The following RBMS3 variants were observed in gnomAD, a reference collection of about 807,000 sequenced individuals.
RBMS3 encodes RNA-binding motif, single-stranded-interacting protein 3.
RBMS3 carries 27 observed loss-of-function variants against 66.8 expected under a neutral mutation model. The observed-to-expected ratio is 0.40, with a 90% CI of 0.30 to 0.56. RBMS3 has a LOEUF of 0.56. Ranked by LOEUF, RBMS3 falls within the 20% of genes least tolerant of loss-of-function variation. RBMS3 has a pLI of 0.40. For missense variants in RBMS3, 513 were observed against 549.5 expected, an observed-to-expected ratio of 0.93 and a Z score of 0.66; for synonymous variants, 188 against 183.0, an observed-to-expected ratio of 1.03 and a Z score of -0.22.
chr3:29,792,258 T>C (rs1234364338), intron 6 of RBMS3, among the ~76,000 whole-genome samples: 1 of 152,212 alleles, frequency 6.6e-6, no homozygotes, highest in East Asian at 1.9e-4. Flanking sequence ...CAGTCCATAA[T>C]TGTCATTCAT....
chr3:29,604,126 C>T (rs1418931812), intron 4 of RBMS3, among the ~76,000 whole-genome samples: 1 of 151,844 alleles, frequency 6.6e-6, no homozygotes, highest in Non-Finnish European at 1.5e-5. Context: ...TTGAGAAACG[C>T]TATTTTGGAA....
intron 6 of RBMS3, among the ~76,000 whole-genome samples, chr3:29,799,887 A>G (rs1042521854): frequency 5.9e-5 from 9 of 152,172 alleles, no homozygotes; most frequent in African/African-American, 2.2e-4. Context: ...AGCTTTAGTT[A>G]TATCAGCAAA....
At chr3:29,833,769 G>C (rs1399304166) in intron 6 of RBMS3, among the ~76,000 whole-genome samples, 1 of 152,044 alleles carries the variant, frequency 6.6e-6, no homozygotes, top group East Asian at 1.9e-4. Flanking sequence ...CTTATTTAAA[G>C]AAATAATGGC....
intron 2 of RBMS3, among the ~76,000 whole-genome samples, chr3:29,460,154 G>T (rs2042325725): frequency 6.6e-6 from 1 of 152,076 alleles, no homozygotes; most frequent in South Asian, 2.1e-4. Flanking sequence ...CTTTCTCCAG[G>T]CTAAATAAAA....
chr3:29,595,397 T>TAAAA (rs551487113), intron 4 of RBMS3, among the ~76,000 whole-genome samples: 6 of 99,908 alleles, frequency 6.0e-5, no homozygotes, highest in Admixed American at 4.4e-4. Flanking sequence ...AGAGTCAGTC[T>TAAAA]AAAAAAAAAA....
At chr3:29,637,359 G>A (rs550530554) in intron 4 of RBMS3, among the ~76,000 whole-genome samples, 1 of 151,832 alleles carries the variant, frequency 6.6e-6, no homozygotes, top group South Asian at 2.1e-4. Flanking sequence ...CACCACCTCC[G>A]AAAGATGCAG....
chr3:29,359,737 C>T (rs1169684111), intron 1 of RBMS3, among the ~76,000 whole-genome samples: 1 of 152,132 alleles, frequency 6.6e-6, no homozygotes, highest in Non-Finnish European at 1.5e-5. Flanking sequence ...TGTTATTGGT[C>T]TATTCAGAGA....
At chr3:29,802,727 C>T (rs148491371) in intron 6 of RBMS3, among the ~76,000 whole-genome samples, 88 of 152,082 alleles carry the variant, frequency 5.8e-4, no homozygotes, top group African/African-American at 1.9e-3. Flanking sequence ...AGTTTGGCTG[C>T]GGGTAAAATT....
At chr3:29,482,840 T>G (rs2125822320) in intron 2 of RBMS3, among the ~76,000 whole-genome samples, 1 of 150,294 alleles carries the variant, frequency 6.7e-6, no homozygotes. Flanking sequence ...CCTGAATAGC[T>G]GGGATTACAG....
At chr3:29,542,428 T>C (rs2045799726) in intron 3 of RBMS3, among the ~76,000 whole-genome samples, 1 of 152,106 alleles carries the variant, frequency 6.6e-6, no homozygotes, top group African/African-American at 2.4e-5. Context: ...TGGTGCAATC[T>C]CGGCTCACTG....
At chr3:29,953,427 A>G (rs1351425922) in intron 12 of RBMS3, among the ~76,000 whole-genome samples, 1 of 151,912 alleles carries the variant, frequency 6.6e-6, no homozygotes, top group East Asian at 1.9e-4. Context: ...TTTAGTTGGG[A>G]ATGCTATGAC....
intron 6 of RBMS3, among the ~76,000 whole-genome samples, chr3:29,827,966 C>T (rs1287359789): frequency 6.6e-6 from 1 of 152,090 alleles, no homozygotes; most frequent in East Asian, 1.9e-4. Flanking sequence ...CTGGTTCCCC[C>T]TTGTTTTTAC....
chr3:29,468,848 C>A (rs1258528462), intron 2 of RBMS3, among the ~76,000 whole-genome samples: 1 of 151,878 alleles, frequency 6.6e-6, no homozygotes, highest in Admixed American at 6.6e-5. Context: ...GGAGACAGAA[C>A]CATCTAAAGA....
chr3:29,580,741 C>T (rs1452871223), intron 3 of RBMS3, among the ~76,000 whole-genome samples: 1 of 151,172 alleles, frequency 6.6e-6, no homozygotes, highest in Non-Finnish European at 1.5e-5. Flanking sequence ...TCAAAAATGT[C>T]ACTAATAATA....
intron 10 of RBMS3, among the ~76,000 whole-genome samples, chr3:29,930,605 C>A (rs1371885767): frequency 6.6e-6 from 1 of 152,014 alleles, no homozygotes; most frequent in African/African-American, 2.4e-5. Context: ...ATAACCACTA[C>A]CCCCTAGGTG....
At chr3:29,365,906 C>T (rs1206243851) in intron 1 of RBMS3, among the ~76,000 whole-genome samples, 2 of 152,172 alleles carry the variant, frequency 1.3e-5, no homozygotes, top group African/African-American at 4.8e-5. Flanking sequence ...CATTTGTGAG[C>T]TGTGGCAGGT....
intron 6 of RBMS3, among the ~76,000 whole-genome samples, chr3:29,829,751 G>A (rs2149486886): frequency 6.6e-6 from 1 of 152,182 alleles, no homozygotes; most frequent in African/African-American, 2.4e-5. Flanking sequence ...TCAATGTCAG[G>A]CAATAAGTCA....
intron 12 of RBMS3, among the ~76,000 whole-genome samples, chr3:29,960,647 C>CCATA (rs1247900826): frequency 6.6e-6 from 1 of 152,190 alleles, no homozygotes; most frequent in East Asian, 1.9e-4. Flanking sequence ...CCAGATTTTT[C>CCATA]CATACATCCT....
chr3:29,453,955 C>G (rs949818064), intron 2 of RBMS3, among the ~76,000 whole-genome samples: 3 of 152,130 alleles, frequency 2.0e-5, no homozygotes, highest in African/African-American at 7.2e-5. Context: ...GGAAGAGAAA[C>G]TGGCCCACAA....
Sources: gnomAD v4.1 joint callset for allele counts (sites outside exome capture counted in the v4.1 genomes callset) on GRCh38, gnomAD v4.1.1 for gene constraint, MANE v1.5 for transcripts, NCBI Gene and HGNC (gene_info 2026-07-23, HGNC 2026-07-21) for gene names.